The following SATB2 variants were observed in gnomAD, a reference collection of about 807,000 sequenced individuals.
SATB2 encodes DNA-binding protein SATB2.
In SATB2, 1 loss-of-function variant was observed where a neutral mutation model predicts 73.4. The ratio of observed to expected loss-of-function variants is 0.01; its 90% CI spans 0.00 to 0.06. The LOEUF is 0.06. Among genes scored for constraint, SATB2 ranks in the 10% least tolerant of loss-of-function variants. The pLI is 1.00. For missense variants in SATB2, 459 were observed against 945.8 expected (o/e 0.49, Z 6.75); for synonymous variants, 397 against 367.0 (o/e 1.08, Z -0.93).
Position 199,280,443 on chromosome 2 carries a change from A to G in SATB2, c.1741-7771T>C, listed in dbSNP as rs568507473. ...GCAATGTTCAGGGAACAAGAGAGAT[A>G]ACCTTAAACTCTGACTGCTGGTGAG... On this transcript the variant is annotated intron_variant, in intron 10 of 10. Coordinates refer to ENST00000417098, the MANE Select transcript of SATB2 (RefSeq NM_001172509.2). Among the ~76,000 whole-genome samples, 5 of 152,326 alleles carry G rather than the reference A, an allele frequency of 3.3e-5. No individual in the cohort carries two copies. The South Asian group carries it at 6.2e-4, about 19-fold the overall frequency.
rs539599778 is a variant in SATB2 at position 199,402,913 on chromosome 2, C to T, written c.347-21093G>A. ...TGACCTTTCAATCAGGACAATGAAG[C>T]TCTTCACCAGCTCAAATTCTAATGA... On this transcript the variant is annotated intron_variant, in intron 3 of 10. Transcript: ENST00000417098. 8.5e-5 allele frequency among the ~76,000 whole-genome samples: 13 copies of T among 152,310 alleles called. 1 individual carries two copies. The highest frequency in any genetic ancestry group is 3.1e-4 in the African/African-American group (13 of 41,576).
At chr2:199,430,409 A>C (rs2105924851) in intron 3 of SATB2, among the ~76,000 whole-genome samples, 1 of 152,370 alleles carries the variant, frequency 6.6e-6, no homozygotes, top group South Asian at 2.1e-4. Flanking sequence ...AGGGCCTGCC[A>C]GCTTTCGGCT....
intron 3 of SATB2, among the ~76,000 whole-genome samples, chr2:199,401,292 A>G (rs182548893): frequency 6.7e-4 from 102 of 152,282 alleles, no homozygotes; most frequent in Non-Finnish European, 1.3e-3. Context: ...TCACACCTGT[A>G]ATACCAGCAC....
chr2:199,371,267 A>C (rs972737692), intron 5 of SATB2, among the ~76,000 whole-genome samples: 4 of 152,190 alleles, frequency 2.6e-5, no homozygotes, highest in Non-Finnish European at 5.9e-5. Context: ...AAGCTAAATC[A>C]CTAGGCTTCA....
chr2:199,437,113 T>A lies in SATB2; in HGVS notation c.170-3599A>T, dbSNP rs1049584492. Among the ~76,000 whole-genome samples the A allele has an allele frequency of 2.3e-4, 35 of 152,328 alleles. 1 individual carries two copies. The highest frequency in any genetic ancestry group is 7.9e-4 in the African/African-American group (33 of 41,590). On this transcript the variant is annotated intron_variant, in intron 2 of 10. Coordinates refer to ENST00000417098, the MANE Select transcript of SATB2 (RefSeq NM_001172509.2). ...AAAATCTTGCTCTAGCCCTATATCT[T>A]GAGCTTCCAATATTATTTTTCTTTT...
rs1386886067 is a variant in SATB2, at chr2:199,337,552, GA to G, written c.1174-8643del. ...GAAGCCTTTGCTTTAGAAACATACA[GA>G]TAGGGAGAGGTAGAAATGAGATATA... On this transcript the variant is annotated intron_variant, in intron 7 of 10. Transcript: ENST00000417098. 3.3e-5 allele frequency among the ~76,000 whole-genome samples: 5 copies of G among 152,302 alleles called. No homozygotes were observed. The South Asian group carries it at 1.0e-3, about 32-fold the overall frequency.
chr2:199,379,882 A>AT (rs35313465), intron 5 of SATB2, among the ~76,000 whole-genome samples: 340 of 146,702 alleles, frequency 2.3e-3, no homozygotes, highest in African/African-American at 7.8e-3. Context: ...ATAAATGCTA[A>AT]TTTTTTTTTT....
At chr2:199,470,219 T>A (rs556479720) in intron 1 of SATB2, 1 of 152,316 alleles carries the variant, frequency 6.6e-6, no homozygotes, top group East Asian at 1.9e-4. Flanking sequence ...GAGAGCCCCA[T>A]AACGGAAAGG....
At position 199,338,396 on chromosome 2, in the gene SATB2, A is replaced by G. The variant is rs988951115; in HGVS notation, c.1174-9486T>C. On this transcript the variant is annotated intron_variant, in intron 7 of 10. Coordinates refer to ENST00000417098, the MANE Select transcript of SATB2 (RefSeq NM_001172509.2). ...AACAAACAAACAAGAAAAAAAAAAAAGTGCAGGTTTCTACTGAAATATACT... is the reference window on the plus strand; with the variant it reads ...AACAAACAAACAAGAAAAAAAAAAAGGTGCAGGTTTCTACTGAAATATACT... Among the ~76,000 whole-genome samples, 34 of 146,728 alleles carry G rather than the reference A, an allele frequency of 2.3e-4. 1 individual carries two copies. The highest frequency in any genetic ancestry group is 7.9e-4 in the African/African-American group (32 of 40,466).
chr2:199,357,455 A>G (rs7575191), intron 6 of SATB2, among the ~76,000 whole-genome samples: 143,887 of 152,250 alleles, frequency 0.95, 68,540 homozygotes, highest in East Asian at 1. Flanking sequence ...TGCCAGGAAT[A>G]ATGGCAGCCC....
chr2:199,365,874 C>T (rs1045844171), intron 6 of SATB2, among the ~76,000 whole-genome samples: 1 of 151,450 alleles, frequency 6.6e-6, no homozygotes, highest in Non-Finnish European at 1.5e-5. Flanking sequence ...ATTATTTTAC[C>T]GTTTATTTAT....
At chr2:199,386,597 TTCCC>T (rs1689940330) in intron 3 of SATB2, among the ~76,000 whole-genome samples, 2 of 152,198 alleles carry the variant, frequency 1.3e-5, no homozygotes, top group Non-Finnish European at 2.9e-5. Context: ...ACAGATGTTA[TTCCC>T]AACATTCACA....
At chr2:199,324,005 G>A in intron 8 of SATB2, 47 bp from the exon 9 acceptor site, 1 of 1,604,578 alleles carries the variant, frequency 6.2e-7, no homozygotes, top group Non-Finnish European at 8.5e-7. Context: ...GCTGCATTCA[G>A]CCCAGCCATC....
At chr2:199,293,406 A>G (rs2105745677) in intron 10 of SATB2, among the ~76,000 whole-genome samples, 1 of 152,264 alleles carries the variant, frequency 6.6e-6, no homozygotes, top group East Asian at 1.9e-4. Flanking sequence ...CCAAACTTCT[A>G]CAAAGGAAAA....
intron 2 of SATB2, among the ~76,000 whole-genome samples, chr2:199,454,051 C>T (rs4675603): frequency 1 from 151,495 of 152,140 alleles, 75,433 homozygotes; most frequent in Middle Eastern, 1. Context: ...ATATTAAACA[C>T]ATAAGGGCTC....
In SATB2 at chr2:199,374,448, A is replaced by G. The variant is rs1689538923; in HGVS notation, c.598-5741T>C. Among the ~76,000 whole-genome samples the G allele has an allele frequency of 2.0e-5, 3 of 152,194 alleles. No homozygotes were observed. The South Asian group carries it at 6.2e-4, about 32-fold the overall frequency. ...GTTGCTTAAAGGTTACAGACTTTCC[A>G]TTTGGAGAGTTGAAAAAGTTCTGGA... On this transcript the variant is annotated intron_variant, in intron 5 of 10. Transcript: ENST00000417098.
chr2:199,433,152 C>T (rs1296318174), intron 3 of SATB2, among the ~76,000 whole-genome samples, 186 bp downstream of exon 3: 1 of 152,192 alleles, frequency 6.6e-6, no homozygotes, highest in Admixed American at 6.5e-5. Context: ...TCCAGAAGTG[C>T]TGGTCAAATG....
intron 5 of SATB2, among the ~76,000 whole-genome samples, chr2:199,371,340 A>G (rs1432637624): frequency 6.6e-6 from 1 of 152,178 alleles, no homozygotes; most frequent in Non-Finnish European, 1.5e-5. Context: ...AAATATCTAG[A>G]ACATCAACAC....
chr2:199,408,762 T>C (rs967827372), intron 3 of SATB2, among the ~76,000 whole-genome samples: 1 of 151,716 alleles, frequency 6.6e-6, no homozygotes, highest in Admixed American at 6.6e-5. Context: ...ACTATATCAA[T>C]ATACTTTCAA....
Sources: allele counts gnomAD v4.1 joint callset (sites outside exome capture counted in the v4.1 genomes callset), GRCh38; gene constraint gnomAD v4.1.1; transcripts MANE v1.5; gene names NCBI Gene and HGNC (gene_info 2026-07-23, HGNC 2026-07-21).